Variants in NR6A1 observed in about 807,000 individuals in gnomAD.
The protein encoded by NR6A1 is nuclear receptor subfamily 6 group A member 1, also known as retinoic acid receptor-related testis-associated receptor.
In NR6A1, 7 loss-of-function variants were observed where a neutral mutation model predicts 59.1. The ratio of observed to expected loss-of-function variants is 0.12; its 90% CI spans 0.07 to 0.22. NR6A1 has a LOEUF of 0.22. Among genes scored for constraint, NR6A1 ranks in the 10% least tolerant of loss-of-function variants. The pLI, the probability that NR6A1 is intolerant of heterozygous loss-of-function variation, is 1.00. For synonymous variants in NR6A1, 243 were observed against 236.1 expected (o/e 1.03, Z -0.27); for missense variants, 468 against 611.6 (o/e 0.77, Z 2.48).
At chr9:124,720,635 T>C (rs951922836) in intron 2 of NR6A1, among the ~76,000 whole-genome samples, 1 of 152,148 alleles carries the variant, frequency 6.6e-6, no homozygotes, top group Admixed American at 6.6e-5. Flanking sequence ...TGACAAATAC[T>C]GGACCAAAAT....
In NR6A1 at chr9:124,629,828, G is replaced by GT. The variant is rs569733309; in HGVS notation, c.143-75259dup. On this transcript the variant is annotated intron_variant, in intron 2 of 9. Coordinates refer to ENST00000487099, the MANE Select transcript of NR6A1 (RefSeq NM_033334.4). Reference sequence around the variant, plus strand: ...TGCCAAGTTCTAAGTCACTCATGTGGTTTTTTTAAAATAGTCACCAGCACA... The same window carrying GT: ...TGCCAAGTTCTAAGTCACTCATGTGGTTTTTTTTAAAATAGTCACCAGCACA... Among the ~76,000 whole-genome samples the GT allele has an allele frequency of 1.3e-4, 20 of 152,240 alleles. No homozygotes were observed. In the South Asian group the frequency reaches 3.9e-3, roughly 30 times the overall value.
chr9:124,535,753 G>T, intron 7 of NR6A1, 125 bp downstream of exon 7: 1 of 1,202,472 alleles, frequency 8.3e-7, no homozygotes, highest in Non-Finnish European at 1.2e-6. Context: ...CAGTGGCAGA[G>T]TGAGGATTCA....
rs868255502 is a variant in NR6A1 at position 124,739,204 on chromosome 9, T to A, written c.101-5855A>T. ...CTCCATCTCAAAAAAAAAAAAAAAA[T>A]GGGGGCGGCGAGGGTATGGGTATGA... On this transcript the variant is annotated intron_variant, in intron 1 of 9. Transcript: ENST00000487099. Among the ~76,000 whole-genome samples the A allele has an allele frequency of 3.7e-3, 536 of 142,962 alleles. 1 individual carries two copies. Among genetic ancestry groups the A allele is most frequent in the Middle Eastern group, 0.014 (4 of 278 alleles). The allele number at this position is 142,962 out of a possible 152,430, so 93.8% of individuals were successfully genotyped here. A position where few individuals can be genotyped will look rare whatever the true frequency, so the allele number is the denominator to read the frequency against.
rs1588676037 is a variant in NR6A1, at chr9:124,571,166, G to C, written c.143-16596C>G. ...GGTATCACCTGAACTGAGCCTTAGA[G>C]TAGAAGTATGTCAAAAAGAATTTCA... On this transcript the variant is annotated intron_variant, in intron 2 of 9. Coordinates refer to ENST00000487099, the MANE Select transcript of NR6A1 (RefSeq NM_033334.4). Among the ~76,000 whole-genome samples the C allele has an allele frequency of 3.3e-5, 5 of 152,232 alleles. No homozygotes were observed. The South Asian group carries it at 1.0e-3, about 32-fold the overall frequency.
chr9:124,581,613 A>C (rs1193996097), intron 2 of NR6A1, among the ~76,000 whole-genome samples: 1 of 152,130 alleles, frequency 6.6e-6, no homozygotes, highest in Non-Finnish European at 1.5e-5. Flanking sequence ...AACAAACAAA[A>C]AGAAACTATC....
intron 1 of NR6A1, among the ~76,000 whole-genome samples, chr9:124,737,794 G>A (rs1428200099): frequency 6.6e-6 from 1 of 152,012 alleles, no homozygotes; most frequent in African/African-American, 2.4e-5. Flanking sequence ...TGAACACAGA[G>A]GCAGAGGTTG....
intron 2 of NR6A1, among the ~76,000 whole-genome samples, chr9:124,615,677 A>G (rs1395609101): frequency 1.3e-5 from 2 of 152,010 alleles, no homozygotes; most frequent in African/African-American, 4.8e-5. Context: ...ACTGAGTCAC[A>G]AGGCTTTTGT....
chr9:124,598,395 C>G (rs1242024535), intron 2 of NR6A1, among the ~76,000 whole-genome samples: 2 of 149,432 alleles, frequency 1.3e-5, no homozygotes, highest in African/African-American at 2.5e-5. Context: ...TTAAGATTAA[C>G]AGTACTGGAA....
chr9:124,653,465 TG>T (rs1245725279), intron 2 of NR6A1, among the ~76,000 whole-genome samples: 1 of 152,164 alleles, frequency 6.6e-6, no homozygotes, highest in African/African-American at 2.4e-5. Flanking sequence ...TCCTGGAGTA[TG>T]GTGGCATCAT....
chr9:124,594,409 G>GA (rs927188346), intron 2 of NR6A1, among the ~76,000 whole-genome samples: 1 of 151,808 alleles, frequency 6.6e-6, no homozygotes, highest in African/African-American at 2.4e-5. Flanking sequence ...CAAGCTCGTC[G>GA]AAAAAAAATC....
chr9:124,717,767 C>G lies in NR6A1; in HGVS notation c.142+15541G>C, dbSNP rs180918499. ...ATGGACTTTGGGATCACACAGGGTTCATCTCTGCCACTTACCAGCTGTGTG... is the reference window on the plus strand; with the variant it reads ...ATGGACTTTGGGATCACACAGGGTTGATCTCTGCCACTTACCAGCTGTGTG... On this transcript the variant is annotated intron_variant, in intron 2 of 9. Coordinates refer to ENST00000487099, the MANE Select transcript of NR6A1 (RefSeq NM_033334.4). 9.8e-5 allele frequency among the ~76,000 whole-genome samples: 15 copies of G among 152,286 alleles called. No homozygotes were observed. The East Asian group carries it at 2.5e-3, about 25-fold the overall frequency.
At chr9:124,641,959 T>C (rs576897551) in intron 2 of NR6A1, among the ~76,000 whole-genome samples, 1 of 152,308 alleles carries the variant, frequency 6.6e-6, no homozygotes, top group East Asian at 1.9e-4. Flanking sequence ...ACGTTTAGGT[T>C]GCCTATCATG....
At chr9:124,542,064 TG>T (rs1215562667) in intron 4 of NR6A1, among the ~76,000 whole-genome samples, 1 of 152,220 alleles carries the variant, frequency 6.6e-6, no homozygotes, top group Non-Finnish European at 1.5e-5. Context: ...GTTTCAGTCA[TG>T]TAAGATGGAA....
At chr9:124,587,223 A>C (rs1038055865) in intron 2 of NR6A1, among the ~76,000 whole-genome samples, 2 of 152,208 alleles carry the variant, frequency 1.3e-5, no homozygotes, top group African/African-American at 4.8e-5. Flanking sequence ...TTCTGACATA[A>C]TGCTACTCCA....
chr9:124,685,382 T>G (rs1271805648), intron 2 of NR6A1, among the ~76,000 whole-genome samples: 1 of 152,202 alleles, frequency 6.6e-6, no homozygotes, highest in African/African-American at 2.4e-5. Context: ...TGGAGTGCAG[T>G]TGCACAAGCA....
intron 2 of NR6A1, chr9:124,658,352 C>T (rs968033621): frequency 2.6e-5 from 4 of 152,434 alleles, no homozygotes; most frequent in East Asian, 1.9e-4. Flanking sequence ...CCAGCAAATC[C>T]GCTTTCTTCC....
intron 9 of NR6A1, among the ~76,000 whole-genome samples, 190 bp downstream of exon 9, chr9:124,524,531 T>G (rs1248079420): frequency 6.6e-6 from 1 of 152,208 alleles, no homozygotes; most frequent in East Asian, 1.9e-4. Context: ...CTCAGGAAAT[T>G]AACTTCTCTT....
intron 2 of NR6A1, among the ~76,000 whole-genome samples, chr9:124,625,793 G>T (rs552723844): frequency 6.8e-4 from 103 of 152,252 alleles, no homozygotes; most frequent in Non-Finnish European, 1.1e-3. Context: ...CCTCCATAAT[G>T]TGAGTGTGCC....
intron 2 of NR6A1, among the ~76,000 whole-genome samples, chr9:124,708,688 C>A (rs951630770): frequency 1.3e-5 from 2 of 152,206 alleles, no homozygotes; most frequent in African/African-American, 2.4e-5. Context: ...CTACTGGAGT[C>A]TTTAGTGCCT....
Sources: gnomAD v4.1 joint callset for allele counts (sites outside exome capture counted in the v4.1 genomes callset) on GRCh38, gnomAD v4.1.1 for gene constraint, MANE v1.5 for transcripts, NCBI Gene and HGNC (gene_info 2026-07-23, HGNC 2026-07-21) for gene names.